The following CPSF1 variants were observed in gnomAD, a reference collection of about 807,000 sequenced individuals.
The protein encoded by CPSF1 is cleavage and polyadenylation specific factor 1.
A neutral mutation model predicts 175.8 loss-of-function variants in CPSF1; 106 were observed. The ratio of observed to expected loss-of-function variants is 0.60; its 90% CI spans 0.52 to 0.71. The LOEUF is 0.71. Among genes scored for constraint, CPSF1 ranks in the 30% least tolerant of loss-of-function variants. The pLI is 0.00. For missense variants in CPSF1, 1,734 were observed against 2,022.9 expected (o/e 0.86, Z 2.74); for synonymous variants, 1,024 against 858.3 (o/e 1.19, Z -3.37).
At chr8:144,403,440 G>A (rs1269466332) in intron 2 of CPSF1, among the ~76,000 whole-genome samples, 1 of 152,072 alleles carries the variant, frequency 6.6e-6, no homozygotes, top group East Asian at 1.9e-4. Flanking sequence ...TTGGAGTGCA[G>A]AGGAGCAATC....
At chr8:144,402,532 T>C (rs2116891886) in intron 2 of CPSF1, among the ~76,000 whole-genome samples, 1 of 152,312 alleles carries the variant, frequency 6.6e-6, no homozygotes, top group East Asian at 1.9e-4. Context: ...CTCGAACTCC[T>C]GACCTCAGGT....
chr8:144,407,544 G>A (rs1038922796), intron 2 of CPSF1, among the ~76,000 whole-genome samples: 4 of 152,006 alleles, frequency 2.6e-5, no homozygotes, highest in Admixed American at 1.3e-4. Flanking sequence ...AAAATTAGCC[G>A]GGCGTGGTGT....
chr8:144,401,171 GCTGGGCGGGGC>G (rs2116882077), intron 5 of CPSF1, 29 bp downstream of exon 5: 14 of 1,548,430 alleles, frequency 9.0e-6, no homozygotes, highest in African/African-American at 2.7e-5. Flanking sequence ...AGGGAGGGTG[GCTGGGCGGGGC>G]CTGGGCGGGG....
At chr8:144,397,012 G>T (rs1324609193) in intron 23 of CPSF1, 83 bp from the exon 24 acceptor site, 2 of 1,052,754 alleles carry the variant, frequency 1.9e-6, no homozygotes, top group Non-Finnish European at 2.8e-6. Flanking sequence ...TGGGCTGTGG[G>T]TAAGGGGCGG....
chr8:144,397,150 G>C, intron 23 of CPSF1, 57 bp downstream of exon 23: 1 of 1,470,168 alleles, frequency 6.8e-7, no homozygotes, highest in Non-Finnish European at 9.1e-7. Flanking sequence ...GGGCTGTGGG[G>C]GAACGGGCAG....
At chr8:144,407,456 T>C (rs960232538) in intron 2 of CPSF1, among the ~76,000 whole-genome samples, 1 of 151,948 alleles carries the variant, frequency 6.6e-6, no homozygotes, top group Non-Finnish European at 1.5e-5. Context: ...CCAAGGTGAG[T>C]GGACTGCCTG....
At chr8:144,400,135 G>GGGCGCCCCCCCCCCCCCCCC in intron 9 of CPSF1, 31 bp downstream of exon 9, 1 of 896,008 alleles carries the variant, frequency 1.1e-6, no homozygotes, top group Non-Finnish European at 1.6e-6. Flanking sequence ...CCGTCCCCGG[G>GGGCGCCCCCCCCCCCCCCCC]CCCCCCCCGC....
At chr8:144,397,451 G>A (rs1554864371) in intron 22 of CPSF1, 36 bp downstream of exon 22, 1 of 1,585,084 alleles carries the variant, frequency 6.3e-7, no homozygotes, top group Non-Finnish European at 8.6e-7. Flanking sequence ...GCAGGTGGGT[G>A]GAACCCGCTG....
intron 2 of CPSF1, among the ~76,000 whole-genome samples, chr8:144,402,698 C>T (rs2116892417): frequency 2.9e-4 from 44 of 152,232 alleles, no homozygotes; most frequent in African/African-American, 7.9e-4. Context: ...CATCTCACAG[C>T]GACAAGGGCA....
Position 144,396,456 on chromosome 8 carries a change from G to A in CPSF1, c.2871C>T (p.Gly957=), listed in dbSNP as rs1554863758. The A allele has an allele frequency of 6.2e-7, 1 of 1,601,978 alleles. No homozygotes were observed. Among genetic ancestry groups the A allele is most frequent in the Non-Finnish European group, 8.5e-7 (1 of 1,175,430 alleles). ...GPSPHWLLVT[G]RGALRLHPMA... ...TGGGGTGTAGCCGCAGAGCCCCTCG[G>A]CCGGTCACCAAGAGCCAGTGAGGGG... The change falls in exon 26 of 38, where the codon GGC becomes GGT. Residue 957 remains glycine (G), a synonymous_variant. Coordinates refer to ENST00000616140, the MANE Select transcript of CPSF1 (RefSeq NM_013291.3).
Position 144,400,090 on chromosome 8 carries a change from G to C in CPSF1, c.938-5C>G. ...TCCGCACACCCTCCTGGGTGCCTGT[G>C]GGGTGGGTGGTCAGGCCGACTAGGC... On this transcript the variant is annotated splice_polypyrimidine_tract_variant and splice_region_variant and intron_variant, in intron 9 of 37. Transcript: ENST00000616140. The C allele has an allele frequency of 1.9e-6, 3 of 1,610,750 alleles. No individual in the cohort carries two copies. Among genetic ancestry groups the C allele is most frequent in the Non-Finnish European group, 2.5e-6 (3 of 1,179,234 alleles).
Position 144,394,809 on chromosome 8 carries a change from G to A in CPSF1, c.3415-13C>T. Reference sequence around the variant, plus strand: ...CCATGATCAAGATCTGGAGGGCATGGGTATGGCTGTGGGATGGCTGTGGGG... The same window carrying A: ...CCATGATCAAGATCTGGAGGGCATGAGTATGGCTGTGGGATGGCTGTGGGG... On this transcript the variant is annotated splice_polypyrimidine_tract_variant and intron_variant, in intron 30 of 37. Coordinates refer to ENST00000616140, the MANE Select transcript of CPSF1 (RefSeq NM_013291.3). The A allele has an allele frequency of 2.5e-6, 4 of 1,613,466 alleles. No individual in the cohort carries two copies. The highest frequency in any genetic ancestry group is 3.4e-6 in the Non-Finnish European group (4 of 1,179,920).
chr8:144,393,392 TG>T, intron 37 of CPSF1, 27 bp from the exon 38 acceptor site: 2 of 489,572 alleles, frequency 4.1e-6, no homozygotes. Flanking sequence ...GGTGGGTGGG[TG>T]GGTGGGTGGG....
In CPSF1 at chr8:144,401,082, G is replaced by A. The variant is rs1554866806; in HGVS notation, c.388-7C>T. Reference sequence around the variant, plus strand: ...CATTCTGCACAAACCCGTCCTGGGGGCAGAGGGGGCATCAGCCAGGCCCAG... The same window carrying A: ...CATTCTGCACAAACCCGTCCTGGGGACAGAGGGGGCATCAGCCAGGCCCAG... On this transcript the variant is annotated splice_region_variant and splice_polypyrimidine_tract_variant and intron_variant, in intron 5 of 37. Transcript: ENST00000616140. The A allele has an allele frequency of 1.3e-5, 21 of 1,605,062 alleles. No individual in the cohort carries two copies. The highest frequency in any genetic ancestry group is 1.8e-5 in the Non-Finnish European group (21 of 1,175,170).
chr8:144,399,069 C>A lies in CPSF1; in HGVS notation c.1468-31G>T. 1.3e-6 allele frequency: 2 copies of A among 1,548,866 alleles called. No homozygotes were observed. Among genetic ancestry groups the A allele is most frequent in the Non-Finnish European group, 1.7e-6 (2 of 1,145,894 alleles). ...CAGGACTCGGGGGTGAGGACTATGC[C>A]CCCCACCCCCCCTCACACTCCAGCC... On this transcript the variant is annotated intron_variant, in intron 15 of 37. Coordinates refer to ENST00000616140, the MANE Select transcript of CPSF1 (RefSeq NM_013291.3). This position sits in a 1 kb window ranked among gnomAD's most constrained non-coding sequence, Gnocchi z 6.4.
In CPSF1 at chr8:144,400,290, C is replaced by A. The variant is rs1242339539; in HGVS notation, c.827-14G>T. The A allele has an allele frequency of 6.2e-7, 1 of 1,608,168 alleles. No homozygotes were observed. Among genetic ancestry groups the A allele is most frequent in the Non-Finnish European group, 8.5e-7 (1 of 1,175,648 alleles). On this transcript the variant is annotated splice_polypyrimidine_tract_variant and intron_variant, in intron 8 of 37. Transcript: ENST00000616140. ...CCACCACCCCACCTGGAGGTGGACA[C>A]AGGCTGGTGGGCAGGCTCAGTGCTC... is the stretch of plus-strand genomic sequence containing the variant.
At chr8:144,397,712 G>A in intron 21 of CPSF1, 31 bp downstream of exon 21, 1 of 1,582,782 alleles carries the variant, frequency 6.3e-7, no homozygotes, top group Non-Finnish European at 8.6e-7. Flanking sequence ...AGGGACCCAA[G>A]CCCCTACCTG....
rs781799809 is a variant in CPSF1, at chr8:144,395,250, TGTG to T, written c.3187+12_3187+14del. On this transcript the variant is annotated intron_variant, in intron 28 of 37. Transcript: ENST00000616140. ...GATGCGGCTGAGGATGGGAGTATGG[TGTG>T]GGCGTCACCACCTCTCTCGATGGTC... is the stretch of plus-strand genomic sequence containing the variant. 1.9e-6 allele frequency: 3 copies of T among 1,612,854 alleles called. No homozygotes were observed. The South Asian group carries it at 3.3e-5, about 18-fold the overall frequency.
chr8:144,399,400 C>T lies in CPSF1; in HGVS notation c.1295-27G>A, dbSNP rs2116862263. The T allele has an allele frequency of 1.9e-6, 3 of 1,612,852 alleles. No individual in the cohort carries two copies. Among genetic ancestry groups the T allele is most frequent in the Non-Finnish European group, 2.5e-6 (3 of 1,179,920 alleles). ...TGCACACAGAGAGCCCACTTGAGCG[C>T]AGCCCTGGGTCACCTGGCCCCGCTC... On this transcript the variant is annotated intron_variant, in intron 13 of 37. Coordinates refer to ENST00000616140, the MANE Select transcript of CPSF1 (RefSeq NM_013291.3). This position sits in a 1 kb window ranked among gnomAD's most constrained non-coding sequence, Gnocchi z 6.4.
Sources: gnomAD v4.1 joint callset for allele counts (sites outside exome capture counted in the v4.1 genomes callset) on GRCh38, gnomAD v4.1.1 for gene constraint, Gnocchi (gnomAD v3.1) non-coding constraint, MANE v1.5 for transcripts, NCBI Gene and HGNC (gene_info 2026-07-23, HGNC 2026-07-21) for gene names.